RANBP2: variants seen among roughly 807,000 people sequenced by gnomAD.
RANBP2 encodes RAN binding protein 2.
A neutral mutation model predicts 303.6 loss-of-function variants in RANBP2; 57 were observed. That is an observed-to-expected ratio of 0.19 (90% CI 0.15 to 0.23). The LOEUF (loss-of-function observed/expected upper bound fraction) is 0.23. Among genes scored for constraint, RANBP2 ranks in the 10% least tolerant of loss-of-function variants. The pLI, the probability that RANBP2 is intolerant of heterozygous loss-of-function variation, is 1.00. For missense variants in RANBP2, 3,138 were observed against 3,780.8 expected, an observed-to-expected ratio of 0.83 and a Z score of 4.46; for synonymous variants, 1,167 against 1,301.5, an observed-to-expected ratio of 0.90 and a Z score of 2.23.
the RANBP2 span, among the ~76,000 whole-genome samples, chr2:109,125,988 A>T: frequency 6.6e-6 from 1 of 152,246 alleles, no homozygotes; most frequent in South Asian, 2.1e-4. Flanking sequence ...ACTGTTGAAC[A>T]TCAGGAGATG....
chr2:109,737,510 C>T, the RANBP2 span: 8 of 583,404 alleles, frequency 1.4e-5, no homozygotes, highest in Non-Finnish European at 2.1e-5. Flanking sequence ...CAAGCTTTCT[C>T]GCGGGCACCA....
At chr2:109,193,511 C>T in the RANBP2 span, among the ~76,000 whole-genome samples, 3 of 152,260 alleles carry the variant, frequency 2.0e-5, no homozygotes, top group Admixed American at 6.5e-5. Context: ...ATACAGTTTG[C>T]GGCCTTTTTA....
At chr2:109,595,955 A>G in the RANBP2 span, among the ~76,000 whole-genome samples, 1 of 152,210 alleles carries the variant, frequency 6.6e-6, no homozygotes, top group Admixed American at 6.5e-5. Flanking sequence ...ATCTGTGTCT[A>G]CTATAAGTGA....
the RANBP2 span, among the ~76,000 whole-genome samples, chr2:109,075,165 A>G: frequency 6.6e-6 from 1 of 150,486 alleles, no homozygotes; most frequent in African/African-American, 2.4e-5. Flanking sequence ...CAAAGATCAG[A>G]GCAGAAATAA....
At chr2:109,175,167 A>G in the RANBP2 span, among the ~76,000 whole-genome samples, 1 of 152,158 alleles carries the variant, frequency 6.6e-6, no homozygotes, top group Non-Finnish European at 1.5e-5. Flanking sequence ...GGTCCAGACT[A>G]GAAATTGGAG....
the RANBP2 span, among the ~76,000 whole-genome samples, chr2:109,202,833 C>A: frequency 6.6e-6 from 1 of 152,174 alleles, no homozygotes; most frequent in Admixed American, 6.5e-5. Flanking sequence ...GGGAAAGGGC[C>A]CAACTTTAAG....
chr2:109,141,954 TCAAA>T, the RANBP2 span, among the ~76,000 whole-genome samples: 4 of 151,936 alleles, frequency 2.6e-5, no homozygotes, highest in Non-Finnish European at 4.4e-5. Context: ...CACGGAAGTC[TCAAA>T]CAAACTTCTG....
chr2:109,367,005 G>A, the RANBP2 span, among the ~76,000 whole-genome samples: 7 of 152,262 alleles, frequency 4.6e-5, no homozygotes, highest in African/African-American at 1.7e-4. Flanking sequence ...CCAGGCTGGA[G>A]TGGAGTGGCA....
chr2:108,910,393 G>A, the RANBP2 span: 3 of 1,335,364 alleles, frequency 2.2e-6, no homozygotes, highest in Admixed American at 1.8e-5. Flanking sequence ...GCTGCACCCT[G>A]GTTCCCCTCC....
chr2:108,811,243 C>CACTT, the RANBP2 span, among the ~76,000 whole-genome samples: 1 of 28,724 alleles, frequency 3.5e-5, no homozygotes, highest in Non-Finnish European at 6.5e-5. Flanking sequence ...TTCTTTCTCT[C>CACTT]TCTCTTTTTT....
the RANBP2 span, among the ~76,000 whole-genome samples, chr2:109,332,346 G>T: frequency 6.6e-6 from 1 of 152,114 alleles, no homozygotes; most frequent in Admixed American, 6.5e-5. Context: ...GCGCCCAGGG[G>T]TGCTGCACTT....
chr2:109,589,945 T>C, the RANBP2 span, among the ~76,000 whole-genome samples: 1 of 151,994 alleles, frequency 6.6e-6, no homozygotes, highest in Non-Finnish European at 1.5e-5. Flanking sequence ...GGTATCCCAA[T>C]AGTGATTTAT....
chr2:109,733,529 C>T, the RANBP2 span, among the ~76,000 whole-genome samples: 1 of 151,962 alleles, frequency 6.6e-6, no homozygotes, highest in Non-Finnish European at 1.5e-5. Flanking sequence ...AAAAAGATTC[C>T]CACTGCTATT....
the RANBP2 span, among the ~76,000 whole-genome samples, chr2:109,472,315 C>A: frequency 6.6e-6 from 1 of 151,470 alleles, no homozygotes; most frequent in East Asian, 2.0e-4. Flanking sequence ...AGGGGCCTCC[C>A]GGGCCCTCCT....
At chr2:108,915,068 A>C in the RANBP2 span, among the ~76,000 whole-genome samples, 1 of 152,132 alleles carries the variant, frequency 6.6e-6, no homozygotes, top group South Asian at 2.1e-4. Context: ...GTGTGCCACC[A>C]CACCTACTTT....
At chr2:108,924,257 T>C in the RANBP2 span, among the ~76,000 whole-genome samples, 1 of 152,226 alleles carries the variant, frequency 6.6e-6, no homozygotes, top group Non-Finnish European at 1.5e-5. Flanking sequence ...GGTCCTGCTC[T>C]CAGGGGTCTG....
intron 4 of RANBP2, among the ~76,000 whole-genome samples, chr2:108,733,257 CTTTTTTTTTT>C (rs34665362): frequency 2.4e-5 from 2 of 85,022 alleles, no homozygotes; most frequent in South Asian, 4.5e-4. Context: ...TAACCATTCC[CTTTTTTTTTT>C]TTTTTTTTTT....
chr2:108,853,872 C>CTATATAATA, the RANBP2 span, among the ~76,000 whole-genome samples: 2 of 113,700 alleles, frequency 1.8e-5, no homozygotes, highest in African/African-American at 6.9e-5. Context: ...AATATATATA[C>CTATATAATA]TATATAATAT....
the RANBP2 span, among the ~76,000 whole-genome samples, chr2:108,933,549 AG>A: frequency 3.9e-5 from 6 of 152,188 alleles, no homozygotes; most frequent in Non-Finnish European, 5.9e-5. Flanking sequence ...GGAGACCTCC[AG>A]GTGGCTTTGG....
Sources: gnomAD v4.1 joint callset for allele counts (sites outside exome capture counted in the v4.1 genomes callset) on GRCh38, gnomAD v4.1.1 for gene constraint, MANE v1.5 for transcripts, NCBI Gene and HGNC (gene_info 2026-07-23, HGNC 2026-07-21) for gene names.